ADAM18: variants seen among roughly 807,000 people sequenced by gnomAD.
ADAM18 encodes the protein disintegrin and metalloproteinase domain-containing protein 18.
ADAM18 carries 117 observed loss-of-function variants against 94.4 expected under a neutral mutation model. The observed-to-expected ratio is 1.24, with a 90% CI of 1.07 to 1.45. ADAM18 has a LOEUF of 1.45. Ranked by LOEUF, ADAM18 falls within the 40% of genes most tolerant of loss-of-function variation. The probability of loss-of-function intolerance (pLI) is 0.00; values close to 1 mark genes in which losing one functional copy is unlikely to be tolerated. For synonymous variants in ADAM18, 327 were observed against 291.6 expected (o/e 1.12, Z -1.24); for missense variants, 936 against 880.0 (o/e 1.06, Z -0.81).
chr8:39,676,077 T>C (rs763075302), intron 14 of ADAM18, among the ~76,000 whole-genome samples: 2 of 152,110 alleles, frequency 1.3e-5, no homozygotes, highest in Non-Finnish European at 2.9e-5. Context: ...CTGGGAGGTG[T>C]CTCCCAGTTA....
At chr8:39,715,277 A>G (rs1464784899) in intron 18 of ADAM18, among the ~76,000 whole-genome samples, 2 of 152,086 alleles carry the variant, frequency 1.3e-5, no homozygotes, top group Non-Finnish European at 2.9e-5. Flanking sequence ...TTTGAACTAA[A>G]TAAAAATGAA....
At chr8:39,636,137 T>A (rs1820070542) in intron 7 of ADAM18, among the ~76,000 whole-genome samples, 1 of 151,484 alleles carries the variant, frequency 6.6e-6, no homozygotes, top group African/African-American at 2.4e-5. Context: ...TTCTGCCTCA[T>A]CCTTCCAAGT....
rs114492118 is a variant in ADAM18, at chr8:39,690,652, C to T, written c.1822-1948C>T. On this transcript the variant is annotated intron_variant, in intron 16 of 19. Coordinates refer to ENST00000265707, the MANE Select transcript of ADAM18 (RefSeq NM_014237.3). ...TACATACAGCACATTTTTTGTCATC[C>T]CAAACTGAAACTCTGTACCCATTAA... is the stretch of plus-strand genomic sequence containing the variant. Among the ~76,000 whole-genome samples, 1,273 of 152,034 alleles carry T rather than the reference C, an allele frequency of 8.4e-3. 11 individuals carry two copies. Among genetic ancestry groups the T allele is most frequent in the African/African-American group, 0.029 (1,197 of 41,462 alleles).
chr8:39,611,534 AAAAGT>A, intron 6 of ADAM18: 1 of 985,354 alleles, frequency 1.0e-6, no homozygotes, highest in South Asian at 4.7e-5. Context: ...CATTATTGCC[AAAAGT>A]ATTTACTGGG....
intron 2 of ADAM18, among the ~76,000 whole-genome samples, chr8:39,600,754 T>C (rs886896877): frequency 1.3e-5 from 2 of 152,154 alleles, no homozygotes; most frequent in African/African-American, 4.8e-5. Context: ...AAGCTTATGG[T>C]GGGACATGCA....
In ADAM18 at chr8:39,606,755, G is replaced by A. The variant is rs540616868; in HGVS notation, c.188+393G>A. ...GCAATAAAGCTTTTTAATCACCTGG[G>A]GGCAGGCGGGCTGAGTCCGAACAGA... On this transcript the variant is annotated intron_variant, in intron 3 of 19. Coordinates refer to ENST00000265707, the MANE Select transcript of ADAM18 (RefSeq NM_014237.3). Among the ~76,000 whole-genome samples, 209 of 152,176 alleles carry A rather than the reference G, an allele frequency of 1.4e-3. 2 individuals carry two copies. Among genetic ancestry groups the A allele is most frequent in the African/African-American group, 4.9e-3 (203 of 41,488 alleles).
At chr8:39,618,382 T>A (rs1343343689) in intron 6 of ADAM18, among the ~76,000 whole-genome samples, 2 of 152,188 alleles carry the variant, frequency 1.3e-5, no homozygotes, top group Non-Finnish European at 2.9e-5. Flanking sequence ...TGAGGTGAGA[T>A]GGTCACATGG....
chr8:39,600,113 T>C lies in ADAM18; in HGVS notation c.133-6194T>C, dbSNP rs73605920. ...GAAAGTTTTCATCTGTTCTTGGTTA[T>C]TTCTTGCTAATAAAAACATATAAAT... On this transcript the variant is annotated intron_variant, in intron 2 of 19. Coordinates refer to ENST00000265707, the MANE Select transcript of ADAM18 (RefSeq NM_014237.3). Among the ~76,000 whole-genome samples the C allele has an allele frequency of 7.3e-3, 1,116 of 152,326 alleles. 14 individuals carry two copies. Among genetic ancestry groups the C allele is most frequent in the African/African-American group, 0.025 (1,035 of 41,586 alleles).
chr8:39,693,682 A>C (rs73609912), intron 17 of ADAM18, among the ~76,000 whole-genome samples: 5,475 of 151,254 alleles, frequency 0.036, 254 homozygotes, highest in African/African-American at 0.11. Flanking sequence ...TCTACTTTTT[A>C]GATTTTTTTG....
chr8:39,624,272 A>G (rs933941851), intron 6 of ADAM18, among the ~76,000 whole-genome samples: 1 of 152,120 alleles, frequency 6.6e-6, no homozygotes, highest in Non-Finnish European at 1.5e-5. Context: ...TAGAATTTTT[A>G]TGGTTTCAGG....
At chr8:39,646,943 C>A (rs1820397172) in intron 11 of ADAM18, among the ~76,000 whole-genome samples, 2 of 152,202 alleles carry the variant, frequency 1.3e-5, no homozygotes, top group South Asian at 4.2e-4. Flanking sequence ...AGAAGGATCT[C>A]TCTGGAGGGT....
intron 2 of ADAM18, among the ~76,000 whole-genome samples, chr8:39,586,702 G>A (rs1447322420): frequency 6.6e-6 from 1 of 152,082 alleles, no homozygotes; most frequent in East Asian, 1.9e-4. Flanking sequence ...ACTCCAGCCT[G>A]GATGACAGAG....
chr8:39,685,945 C>G (rs1821596353), intron 16 of ADAM18, among the ~76,000 whole-genome samples: 1 of 152,088 alleles, frequency 6.6e-6, no homozygotes, highest in African/African-American at 2.4e-5. Flanking sequence ...TTTCCGGTAC[C>G]TTGGTCCTCA....
chr8:39,724,134 CA>C, intron 19 of ADAM18, among the ~76,000 whole-genome samples: 1 of 151,722 alleles, frequency 6.6e-6, no homozygotes, highest in African/African-American at 2.4e-5. Flanking sequence ...TATGCTGTAC[CA>C]AAGACTTACT....
intron 12 of ADAM18, among the ~76,000 whole-genome samples, chr8:39,654,154 C>CTTT (rs1177248372): frequency 7.2e-6 from 1 of 139,850 alleles, no homozygotes; most frequent in Admixed American, 7.3e-5. Flanking sequence ...GATTTCATTC[C>CTTT]TTTTTTTTTT....
intron 18 of ADAM18, among the ~76,000 whole-genome samples, chr8:39,718,069 C>A (rs530208229): frequency 6.6e-6 from 1 of 151,238 alleles, no homozygotes; most frequent in South Asian, 2.1e-4. Context: ...TATTATTTTT[C>A]AACAAATAAA....
chr8:39,628,768 T>C (rs1819845328), intron 6 of ADAM18, among the ~76,000 whole-genome samples: 1 of 152,078 alleles, frequency 6.6e-6, no homozygotes, highest in Admixed American at 6.6e-5. Flanking sequence ...TAATAATTGA[T>C]GATTTATAGG....
chr8:39,698,521 A>G (rs544458185), intron 17 of ADAM18, among the ~76,000 whole-genome samples: 1 of 152,104 alleles, frequency 6.6e-6, no homozygotes, highest in South Asian at 2.1e-4. Context: ...GTGTGTGAGA[A>G]AATACCCCAA....
chr8:39,586,178 TTATAA>T (rs2129457891), intron 2 of ADAM18, among the ~76,000 whole-genome samples: 1 of 152,326 alleles, frequency 6.6e-6, no homozygotes, highest in African/African-American at 2.4e-5. Flanking sequence ...TAGTGAACAA[TTATAA>T]TAAAGTATAT....
Sources: gnomAD v4.1 joint callset for allele counts (sites outside exome capture counted in the v4.1 genomes callset) on GRCh38, gnomAD v4.1.1 for gene constraint, MANE v1.5 for transcripts, NCBI Gene and HGNC (gene_info 2026-07-23, HGNC 2026-07-21) for gene names.